The following ADAMTSL1 variants were observed in gnomAD, a reference collection of about 807,000 sequenced individuals.
The protein encoded by ADAMTSL1 is ADAMTS like 1, also known as ADAMTS-like protein 1.
Under a neutral mutation model 201.8 loss-of-function variants are expected in ADAMTSL1, and 126 were observed. That is an observed-to-expected ratio of 0.62 (90% CI 0.54 to 0.72). The LOEUF (loss-of-function observed/expected upper bound fraction) is 0.72. Ranked by LOEUF, ADAMTSL1 falls within the 30% of genes least tolerant of loss-of-function variation. The probability of loss-of-function intolerance (pLI) is 0.00; values close to 1 mark genes in which losing one functional copy is unlikely to be tolerated. For synonymous variants in ADAMTSL1, 1,121 were observed against 903.4 expected (o/e 1.24, Z -4.32); for missense variants, 2,679 against 2,277.8 (o/e 1.18, Z -3.59).
chr9:18,188,023 A>G (rs1828812071), intron 2 of ADAMTSL1, among the ~76,000 whole-genome samples: 1 of 152,118 alleles, frequency 6.6e-6, no homozygotes, highest in African/African-American at 2.4e-5. Context: ...TGATAAAGCC[A>G]TTTATTCATT....
At chr9:18,508,629 C>CA (rs1269866256) in intron 2 of ADAMTSL1, among the ~76,000 whole-genome samples, 2 of 152,174 alleles carry the variant, frequency 1.3e-5, no homozygotes, top group African/African-American at 4.8e-5. Context: ...AGCTAGCTTT[C>CA]AGCTATCAAA....
intron 2 of ADAMTSL1, among the ~76,000 whole-genome samples, chr9:18,354,476 T>C (rs1485166116): frequency 1.3e-5 from 2 of 152,180 alleles, no homozygotes; most frequent in Non-Finnish European, 2.9e-5. Context: ...TTCTTTTTAT[T>C]TGAATTGAGA....
At chr9:18,721,754 T>C in intron 15 of ADAMTSL1, 89 bp downstream of exon 15, 1 of 1,492,152 alleles carries the variant, frequency 6.7e-7, no homozygotes, top group Non-Finnish European at 9.0e-7. Flanking sequence ...CACTTATTTG[T>C]TACTCAGTGT....
At chr9:18,362,316 T>C (rs1836563121) in intron 2 of ADAMTSL1, 1 of 152,244 alleles carries the variant, frequency 6.6e-6, no homozygotes, top group Non-Finnish European at 1.5e-5. Context: ...ACAAATATAT[T>C]AGGAATCTCT....
chr9:18,235,652 A>T (rs1830820139), intron 2 of ADAMTSL1, among the ~76,000 whole-genome samples: 1 of 152,190 alleles, frequency 6.6e-6, no homozygotes, highest in Non-Finnish European at 1.5e-5. Context: ...TAGGTGGGGA[A>T]AACCCCACCC....
intron 1 of ADAMTSL1, among the ~76,000 whole-genome samples, chr9:17,939,630 T>C (rs1053060174): frequency 2.0e-5 from 3 of 152,134 alleles, no homozygotes; most frequent in Non-Finnish European, 2.9e-5. Context: ...TGAATCTTGC[T>C]GGGATTTTAA....
chr9:18,013,849 A>C (rs1256940243), intron 1 of ADAMTSL1, among the ~76,000 whole-genome samples: 1 of 152,008 alleles, frequency 6.6e-6, no homozygotes, highest in African/African-American at 2.4e-5. Flanking sequence ...ACATGGGGTT[A>C]TTAAAATGCT....
intron 15 of ADAMTSL1, among the ~76,000 whole-genome samples, chr9:18,728,455 T>C (rs760096859): frequency 7.9e-5 from 12 of 152,060 alleles, no homozygotes; most frequent in Non-Finnish European, 1.6e-4. Flanking sequence ...TGCATCCCAA[T>C]TCAGAGAAAA....
intron 2 of ADAMTSL1, among the ~76,000 whole-genome samples, chr9:18,389,263 T>C (rs142608121): frequency 2.0e-5 from 3 of 152,154 alleles, no homozygotes; most frequent in Non-Finnish European, 4.4e-5. Flanking sequence ...GTCAAGAATA[T>C]ATATATTGGC....
chr9:18,332,219 T>C (rs541278459), intron 2 of ADAMTSL1, among the ~76,000 whole-genome samples: 1 of 152,334 alleles, frequency 6.6e-6, no homozygotes, highest in Non-Finnish European at 1.5e-5. Context: ...GTCCAGACCA[T>C]GTTATCTTAC....
intron 2 of ADAMTSL1, among the ~76,000 whole-genome samples, chr9:18,440,624 C>A (rs11793618): frequency 6.6e-6 from 1 of 150,390 alleles, no homozygotes. Context: ...TTATATATAT[C>A]TTTAATTCAA....
Position 18,474,318 on chromosome 9 carries a change from G to A in ADAMTSL1, c.63+23G>A, listed in dbSNP as rs371051447. 5.8e-5 allele frequency: 93 copies of A among 1,613,524 alleles called. No individual in the cohort carries two copies. The African/African-American group carries it at 8.1e-4, about 14-fold the overall frequency. Reference sequence around the variant, plus strand: ...CTGGTAAATGCCTTTTCATTTCAATGCATTGCTATTGCCATTGAGTCTGGG... The same window carrying A: ...CTGGTAAATGCCTTTTCATTTCAATACATTGCTATTGCCATTGAGTCTGGG... On this transcript the variant is annotated intron_variant, in intron 1 of 28. Coordinates refer to ENST00000380548, the MANE Select transcript of ADAMTSL1 (RefSeq NM_001040272.6).
intron 1 of ADAMTSL1, among the ~76,000 whole-genome samples, chr9:18,074,972 A>T (rs546418231): frequency 6.6e-6 from 1 of 152,218 alleles, no homozygotes; most frequent in Admixed American, 6.6e-5. Flanking sequence ...ATAAATGTAC[A>T]TTTCTTGTTT....
chr9:18,766,280 T>C (rs1820358664), intron 16 of ADAMTSL1, among the ~76,000 whole-genome samples: 1 of 152,194 alleles, frequency 6.6e-6, no homozygotes, highest in Admixed American at 6.5e-5. Context: ...CCAGAATCTG[T>C]AGCGGTTTGC....
chr9:18,400,910 C>A (rs1817961665), intron 2 of ADAMTSL1, among the ~76,000 whole-genome samples: 1 of 152,050 alleles, frequency 6.6e-6, no homozygotes, highest in Non-Finnish European at 1.5e-5. Context: ...CTGTACGATA[C>A]CCTGGAGTAA....
chr9:18,205,509 A>G (rs1218561214), intron 2 of ADAMTSL1, among the ~76,000 whole-genome samples: 1 of 151,988 alleles, frequency 6.6e-6, no homozygotes, highest in East Asian at 1.9e-4. Flanking sequence ...AATGTTTCTT[A>G]TTATCTCTAC....
chr9:18,447,730 T>G (rs967116022), intron 2 of ADAMTSL1, among the ~76,000 whole-genome samples: 3 of 152,192 alleles, frequency 2.0e-5, no homozygotes, highest in African/African-American at 7.2e-5. Context: ...CATTCTTTCT[T>G]GAAATAGAGT....
At chr9:18,571,118 G>T (rs1822268114) in intron 3 of ADAMTSL1, among the ~76,000 whole-genome samples, 1 of 152,170 alleles carries the variant, frequency 6.6e-6, no homozygotes, top group East Asian at 1.9e-4. Context: ...ACAATTTATT[G>T]AACAGAGGGG....
chr9:18,334,853 G>T (rs1047461245), intron 2 of ADAMTSL1, among the ~76,000 whole-genome samples: 1 of 152,102 alleles, frequency 6.6e-6, no homozygotes, highest in Non-Finnish European at 1.5e-5. Flanking sequence ...TTTTTGCCCA[G>T]TATCCAAGTC....
Sources: gnomAD v4.1 joint callset for allele counts (sites outside exome capture counted in the v4.1 genomes callset) on GRCh38, gnomAD v4.1.1 for gene constraint, MANE v1.5 for transcripts, NCBI Gene and HGNC (gene_info 2026-07-23, HGNC 2026-07-21) for gene names.